ATG4C: variants seen among roughly 807,000 people sequenced by gnomAD.
ATG4C encodes autophagy related 4C cysteine peptidase.
Under a neutral mutation model 57.6 loss-of-function variants are expected in ATG4C, and 56 were observed. That is an observed-to-expected ratio of 0.97 (90% confidence interval 0.78 to 1.21). The LOEUF (loss-of-function observed/expected upper bound fraction) is 1.21. ATG4C is among the 50% of genes most tolerant of loss of function. The pLI, the probability that ATG4C is intolerant of heterozygous loss-of-function variation, is 0.00. For synonymous variants in ATG4C, 157 were observed against 174.1 expected, an observed-to-expected ratio of 0.90 and a Z score of 0.78; for missense variants, 595 against 529.8, an observed-to-expected ratio of 1.12 and a Z score of -1.21.
chr1:62,855,291 T>A (rs905012911), intron 10 of ATG4C, among the ~76,000 whole-genome samples: 1 of 152,202 alleles, frequency 6.6e-6, no homozygotes. Flanking sequence ...GTATTTCCCC[T>A]GCTCTGCTGT....
intron 3 of ATG4C, among the ~76,000 whole-genome samples, chr1:62,806,134 G>A (rs1664872094): frequency 6.6e-6 from 1 of 152,124 alleles, no homozygotes; most frequent in African/African-American, 2.4e-5. Flanking sequence ...TAATTTACAT[G>A]TATTAACTGT....
chr1:62,792,370 T>A (rs1479319536), intron 1 of ATG4C, among the ~76,000 whole-genome samples: 2 of 152,174 alleles, frequency 1.3e-5, no homozygotes, highest in Admixed American at 1.3e-4. Flanking sequence ...AGTCTTCTGA[T>A]CAGTTGAAGG....
chr1:62,788,809 A>C (rs912700613), intron 1 of ATG4C, among the ~76,000 whole-genome samples: 5 of 151,902 alleles, frequency 3.3e-5, no homozygotes, highest in Admixed American at 2.6e-4. Flanking sequence ...CACAAAATTG[A>C]TTTATCTGAT....
chr1:62,827,849 C>G (rs375501228), intron 6 of ATG4C, among the ~76,000 whole-genome samples: 1 of 152,214 alleles, frequency 6.6e-6, no homozygotes, highest in East Asian at 1.9e-4. Context: ...CTGTTGTTCC[C>G]TTCTTTGTGT....
chr1:62,786,695 G>A (rs1664095654), intron 1 of ATG4C, among the ~76,000 whole-genome samples: 1 of 152,214 alleles, frequency 6.6e-6, no homozygotes, highest in Non-Finnish European at 1.5e-5. Context: ...CTAGGCCACA[G>A]TGGTATAGTA....
chr1:62,841,595 G>A, intron 10 of ATG4C, 48 bp downstream of exon 10: 1 of 1,424,066 alleles, frequency 7.0e-7, no homozygotes, highest in Non-Finnish European at 9.4e-7. Flanking sequence ...AATTTTATTA[G>A]AAACAGACTG....
At chr1:62,790,055 C>T (rs1329575104) in intron 1 of ATG4C, among the ~76,000 whole-genome samples, 1 of 151,990 alleles carries the variant, frequency 6.6e-6, no homozygotes, top group Non-Finnish European at 1.5e-5. Flanking sequence ...GCTGGGATCA[C>T]AGATATGTGC....
chr1:62,794,700 T>C (rs1664401679), intron 1 of ATG4C, among the ~76,000 whole-genome samples: 1 of 152,194 alleles, frequency 6.6e-6, no homozygotes, highest in Non-Finnish European at 1.5e-5. Flanking sequence ...TTTGCCACTT[T>C]TTAAAAAGAT....
intron 4 of ATG4C, 100 bp downstream of exon 4, chr1:62,816,908 A>C: frequency 4.2e-6 from 4 of 956,150 alleles, no homozygotes; most frequent in Non-Finnish European, 6.1e-6. Flanking sequence ...AAATTCCCTG[A>C]GGTTAATTTC....
intron 6 of ATG4C, among the ~76,000 whole-genome samples, chr1:62,821,731 C>T (rs1363239550): frequency 6.6e-6 from 1 of 151,946 alleles, no homozygotes; most frequent in African/African-American, 2.4e-5. Context: ...ACAAGTGTTT[C>T]CGATTTTGTA....
chr1:62,786,223 C>T (rs1043674467), intron 1 of ATG4C, among the ~76,000 whole-genome samples: 5 of 152,112 alleles, frequency 3.3e-5, no homozygotes, highest in Admixed American at 1.3e-4. Flanking sequence ...ATATAAAGAG[C>T]GTTAAATCAA....
chr1:62,854,509 C>T (rs1219271944), intron 10 of ATG4C, among the ~76,000 whole-genome samples: 1 of 151,974 alleles, frequency 6.6e-6, no homozygotes, highest in Non-Finnish European at 1.5e-5. Flanking sequence ...GATCTCCTGA[C>T]CTTGTGATCC....
At chr1:62,838,825 T>TA (rs1666079571) in intron 9 of ATG4C, among the ~76,000 whole-genome samples, 1 of 152,060 alleles carries the variant, frequency 6.6e-6, no homozygotes, top group South Asian at 2.1e-4. Flanking sequence ...GCCTCTCTGT[T>TA]GTATGAGTCC....
intron 1 of ATG4C, among the ~76,000 whole-genome samples, chr1:62,795,408 C>T (rs1664428392): frequency 6.6e-6 from 1 of 152,164 alleles, no homozygotes; most frequent in East Asian, 1.9e-4. Context: ...TCAGATGTAG[C>T]TCTGCTCTCC....
chr1:62,786,542 AAC>A (rs1449617709), intron 1 of ATG4C, among the ~76,000 whole-genome samples: 72 of 148,226 alleles, frequency 4.9e-4, no homozygotes, highest in Middle Eastern at 3.4e-3. Flanking sequence ...AAAAAAAAAA[AAC>A]AAGTGAAAAT....
At chr1:62,848,239 T>G (rs1666388151) in intron 10 of ATG4C, among the ~76,000 whole-genome samples, 1 of 152,180 alleles carries the variant, frequency 6.6e-6, no homozygotes, top group Non-Finnish European at 1.5e-5. Flanking sequence ...AATTACAACT[T>G]TAAATGTTCC....
chr1:62,825,697 C>T (rs1243297488), intron 6 of ATG4C, among the ~76,000 whole-genome samples: 1 of 152,160 alleles, frequency 6.6e-6, no homozygotes, highest in South Asian at 2.1e-4. Context: ...GTCTACTCAA[C>T]CTTTCTGTTT....
In ATG4C at chr1:62,803,830, A is replaced by G; in HGVS notation, c.44A>G (p.Lys15Arg). ...GTDEVDKLKT[K>R]FISAWNNMKY... Reference sequence around the variant, plus strand: ...GATGAAGTTGACAAGCTAAAAACCAAATTTATATCTGCTTGGAACAACATG... The same window carrying G: ...GATGAAGTTGACAAGCTAAAAACCAGATTTATATCTGCTTGGAACAACATG... The change falls in exon 2 of 11, where the codon AAA becomes AGA. Residue 15 changes from lysine (K) to arginine (R), a missense_variant. Lys to Arg is a conservative substitution (Grantham distance 26, BLOSUM62 2). Transcript: ENST00000317868. 6.2e-7 allele frequency: 1 copy of G among 1,604,382 alleles called. No homozygotes were observed. The highest frequency in any genetic ancestry group is 1.1e-5 in the South Asian group (1 of 89,814).
At chr1:62,845,095 C>CT (rs1419161821) in intron 10 of ATG4C, among the ~76,000 whole-genome samples, 2 of 151,578 alleles carry the variant, frequency 1.3e-5, no homozygotes, top group African/African-American at 4.9e-5. Flanking sequence ...ATATATAATA[C>CT]TTTAAGTAGG....
Sources: gnomAD v4.1 joint callset for allele counts (sites outside exome capture counted in the v4.1 genomes callset) on GRCh38, gnomAD v4.1.1 for gene constraint, MANE v1.5 for transcripts, NCBI Gene and HGNC (gene_info 2026-07-23, HGNC 2026-07-21) for gene names.